Variants in PRKCB observed in about 807,000 individuals in gnomAD.
PRKCB encodes the protein protein kinase C beta type.
PRKCB carries 13 observed loss-of-function variants against 81.5 expected under a neutral mutation model. The ratio of observed to expected loss-of-function variants is 0.16; its 90% CI spans 0.10 to 0.25. The LOEUF (loss-of-function observed/expected upper bound fraction) is 0.25. Ranked by LOEUF, PRKCB falls within the 10% of genes least tolerant of loss-of-function variation. The pLI is 1.00. For missense variants in PRKCB, 509 were observed against 875.7 expected, an observed-to-expected ratio of 0.58 and a Z score of 5.29; for synonymous variants, 335 against 321.4, an observed-to-expected ratio of 1.04 and a Z score of -0.45.
chr16:24,027,615 T>C (rs1033661180), intron 3 of PRKCB, among the ~76,000 whole-genome samples: 2 of 152,204 alleles, frequency 1.3e-5, no homozygotes, highest in Admixed American at 6.5e-5. Context: ...TCCAGTGCTC[T>C]GGACGAGTAC....
chr16:24,008,466 G>A (rs1237751394), intron 3 of PRKCB, among the ~76,000 whole-genome samples: 1 of 152,246 alleles, frequency 6.6e-6, no homozygotes, highest in Non-Finnish European at 1.5e-5. Flanking sequence ...GCTGGTTTTA[G>A]TCTGGACTGG....
chr16:23,853,039 C>T (rs1962500012), intron 2 of PRKCB, among the ~76,000 whole-genome samples: 1 of 152,180 alleles, frequency 6.6e-6, no homozygotes, highest in Admixed American at 6.5e-5. Flanking sequence ...CATCTGCTTC[C>T]TGTTTCAATG....
intron 7 of PRKCB, among the ~76,000 whole-genome samples, chr16:24,096,664 A>T (rs867448058): frequency 4.5e-3 from 385 of 84,680 alleles, no homozygotes; most frequent in South Asian, 0.011. Flanking sequence ...AAAAAAAAAA[A>T]AAATATATAT....
intron 16 of PRKCB, among the ~76,000 whole-genome samples, chr16:24,194,570 C>T (rs1340504474): frequency 2.0e-5 from 3 of 151,692 alleles, no homozygotes; most frequent in African/African-American, 4.8e-5. Flanking sequence ...CCATTTTGAC[C>T]GGTTAAATAT....
intron 2 of PRKCB, among the ~76,000 whole-genome samples, chr16:23,933,955 C>G (rs1342827240): frequency 1.8e-5 from 2 of 110,214 alleles, no homozygotes; most frequent in African/African-American, 7.0e-5. Context: ...ATCCATCCAC[C>G]TACCTCATCC....
chr16:23,978,278 C>T (rs114406458), intron 2 of PRKCB, among the ~76,000 whole-genome samples: 161 of 152,324 alleles, frequency 1.1e-3, no homozygotes, highest in African/African-American at 3.2e-3. Flanking sequence ...CTCAGTTCAG[C>T]GCAGTCCCCC....
intron 5 of PRKCB, among the ~76,000 whole-genome samples, chr16:24,081,596 G>A (rs1374418022): frequency 6.6e-6 from 1 of 152,158 alleles, no homozygotes; most frequent in Non-Finnish European, 1.5e-5. Context: ...TGTGGGGCTC[G>A]GCTCGGTGGC....
Position 23,935,306 on chromosome 16 carries a change from T to C in PRKCB, c.206-53202T>C, listed in dbSNP as rs1964042956. 3.3e-5 allele frequency among the ~76,000 whole-genome samples: 5 copies of C among 152,222 alleles called. No individual in the cohort carries two copies. In the South Asian group the frequency reaches 1.0e-3, roughly 31 times the overall value. ...ATCAGCATCCAGGTTTGAGAGCCAC[T>C]GTGGGGAAATAATCTGTACTTTCTA... On this transcript the variant is annotated intron_variant, in intron 2 of 16. Transcript: ENST00000643927.
intron 2 of PRKCB, among the ~76,000 whole-genome samples, chr16:23,865,917 T>C (rs552889540): frequency 1.6e-3 from 238 of 152,134 alleles, no homozygotes; most frequent in Middle Eastern, 3.4e-3. Context: ...CCACTCTCCA[T>C]CCTCCTCTTC....
intron 5 of PRKCB, among the ~76,000 whole-genome samples, chr16:24,073,914 A>T (rs1966146096): frequency 6.6e-6 from 1 of 152,042 alleles, no homozygotes; most frequent in Non-Finnish European, 1.5e-5. Flanking sequence ...AGGCCGAGGC[A>T]GGCGGATCAC....
At chr16:24,068,818 G>A (rs904421857) in intron 5 of PRKCB, among the ~76,000 whole-genome samples, 2 of 152,232 alleles carry the variant, frequency 1.3e-5, no homozygotes, top group African/African-American at 4.8e-5. Context: ...GTGAGCATCA[G>A]TGATAGAGTG....
At chr16:24,055,620 CGTT>C (rs1965894693) in intron 5 of PRKCB, among the ~76,000 whole-genome samples, 1 of 152,164 alleles carries the variant, frequency 6.6e-6, no homozygotes, top group Non-Finnish European at 1.5e-5. Flanking sequence ...TGTCTTAGCC[CGTT>C]GTTGGAGAAA....
intron 3 of PRKCB, among the ~76,000 whole-genome samples, chr16:24,009,517 C>G (rs1368217468): frequency 6.6e-6 from 1 of 151,110 alleles, no homozygotes; most frequent in East Asian, 2.0e-4. Flanking sequence ...CTCCACCTCC[C>G]GGGTTCAAGT....
intron 2 of PRKCB, among the ~76,000 whole-genome samples, chr16:23,937,280 A>G (rs551387729): frequency 1.3e-5 from 2 of 152,308 alleles, no homozygotes; most frequent in South Asian, 4.1e-4. Context: ...AAGTTTCAGA[A>G]CCACTGTTCT....
chr16:23,989,922 G>A lies in PRKCB; in HGVS notation c.288+1332G>A, dbSNP rs80020699. ...GGGGAAGACCTGGGAAAGAGTCTAGGAAAGATTTTTCCTTTCTGATAAGAG... is the reference window on the plus strand; with the variant it reads ...GGGGAAGACCTGGGAAAGAGTCTAGAAAAGATTTTTCCTTTCTGATAAGAG... On this transcript the variant is annotated intron_variant, in intron 3 of 16. Coordinates refer to ENST00000643927, the MANE Select transcript of PRKCB (RefSeq NM_002738.7). Among the ~76,000 whole-genome samples, 1,394 of 152,230 alleles carry A rather than the reference G, an allele frequency of 9.2e-3. 10 individuals carry two copies. The highest frequency in any genetic ancestry group is 0.017 in the Middle Eastern group (5 of 294).
At chr16:23,945,194 C>T (rs977305559) in intron 2 of PRKCB, among the ~76,000 whole-genome samples, 2 of 152,138 alleles carry the variant, frequency 1.3e-5, no homozygotes, top group East Asian at 3.9e-4. Context: ...ACCACAGGGG[C>T]ACCCTGACAA....
Position 23,836,015 on chromosome 16 carries a change from C to T in PRKCB, c.-161C>T. 1 of 285,162 alleles carries T rather than the reference C, an allele frequency of 3.5e-6. No individual in the cohort carries two copies. The highest frequency in any genetic ancestry group is 5.2e-6 in the Non-Finnish European group (1 of 190,596). 17.7% of individuals were successfully genotyped at this position (285,162 alleles called of 1,614,324 possible). ...CGGCAGCAGCTGGGCGAGTGACAGCCCCGGCTCCGCGCGCCGCGGCCGCCA... is the reference window on the plus strand; with the variant it reads ...CGGCAGCAGCTGGGCGAGTGACAGCTCCGGCTCCGCGCGCCGCGGCCGCCA... On this transcript the variant is annotated 5_prime_UTR_variant, in exon 1 of 17. Coordinates refer to ENST00000643927, the MANE Select transcript of PRKCB (RefSeq NM_002738.7).
intron 9 of PRKCB, among the ~76,000 whole-genome samples, chr16:24,149,518 C>T (rs1282922239): frequency 1.3e-5 from 2 of 152,178 alleles, no homozygotes; most frequent in Non-Finnish European, 2.9e-5. Flanking sequence ...ACTGACATCT[C>T]CTAGCCACCT....
chr16:24,036,546 G>T (rs1374014018), intron 5 of PRKCB, among the ~76,000 whole-genome samples: 1 of 152,162 alleles, frequency 6.6e-6, no homozygotes, highest in Non-Finnish European at 1.5e-5. Context: ...GCCTCAGACT[G>T]GTTCAGTAGC....
Sources: gnomAD v4.1 joint callset for allele counts (sites outside exome capture counted in the v4.1 genomes callset) on GRCh38, gnomAD v4.1.1 for gene constraint, MANE v1.5 for transcripts, NCBI Gene and HGNC (gene_info 2026-07-23, HGNC 2026-07-21) for gene names.